Variants in CD44 observed in about 807,000 individuals in gnomAD.
CD44 encodes the protein CD44 antigen.
In CD44, 49 loss-of-function variants were observed where a neutral mutation model predicts 88.8. That is an observed-to-expected ratio of 0.55 (90% CI 0.44 to 0.70). CD44 has a LOEUF of 0.70. CD44 is among the 30% of genes least tolerant of loss of function. The pLI, the probability that CD44 is intolerant of heterozygous loss-of-function variation, is 0.00. For synonymous variants in CD44, 325 were observed against 312.3 expected (o/e 1.04, Z -0.43); for missense variants, 883 against 913.8 (o/e 0.97, Z 0.43).
chr11:35,221,113 C>T (rs2065004), intron 16 of CD44, among the ~76,000 whole-genome samples: 105,437 of 152,060 alleles, frequency 0.69, 36,978 homozygotes, highest in East Asian at 0.99. Context: ...ACACCTTACA[C>T]GGTGTTTAGC....
chr11:35,167,099 A>G (rs535765117), intron 1 of CD44, among the ~76,000 whole-genome samples: 1 of 152,344 alleles, frequency 6.6e-6, no homozygotes, highest in South Asian at 2.1e-4. Context: ...GCCTTCGAAC[A>G]AATGAAGAAG....
intron 4 of CD44, among the ~76,000 whole-genome samples, chr11:35,187,177 G>A (rs147337919): frequency 0.015 from 2,303 of 152,220 alleles, 19 homozygotes; most frequent in Middle Eastern, 0.02. Flanking sequence ...AGGAGGCTGA[G>A]GCAGGAGAAT....
In CD44 at chr11:35,163,895, C is replaced by T. The variant is rs574061770; in HGVS notation, c.68-12680C>T. On this transcript the variant is annotated intron_variant, in intron 1 of 17. Coordinates refer to ENST00000428726, the MANE Select transcript of CD44 (RefSeq NM_000610.4). ...AAAGAAGAGATTTGTCTGCCTCACCCCCTGCTGGTGCAAACTTGCACCTCT... is the reference window on the plus strand; with the variant it reads ...AAAGAAGAGATTTGTCTGCCTCACCTCCTGCTGGTGCAAACTTGCACCTCT... Among the ~76,000 whole-genome samples, 87 of 152,218 alleles carry T rather than the reference C, an allele frequency of 5.7e-4. 1 individual carries two copies. The highest frequency in any genetic ancestry group is 9.7e-4 in the Non-Finnish European group (66 of 68,010).
At chr11:35,172,955 T>C (rs905879394) in intron 1 of CD44, among the ~76,000 whole-genome samples, 9 of 152,228 alleles carry the variant, frequency 5.9e-5, no homozygotes, top group Non-Finnish European at 4.4e-5. Context: ...TGGATGCATG[T>C]ATTGTCAGTG....
At chr11:35,161,703 T>C (rs894199678) in intron 1 of CD44, among the ~76,000 whole-genome samples, 4 of 152,214 alleles carry the variant, frequency 2.6e-5, no homozygotes, top group African/African-American at 9.6e-5. Context: ...AGCCAGGTCA[T>C]TCAGTTGTTG....
At chr11:35,174,891 C>T (rs531653040) in intron 1 of CD44, among the ~76,000 whole-genome samples, 80 of 152,308 alleles carry the variant, frequency 5.3e-4, no homozygotes, top group South Asian at 4.1e-4. Context: ...GTAAAAGGCC[C>T]TTGCTTTCTC....
intron 1 of CD44, among the ~76,000 whole-genome samples, chr11:35,148,720 G>T (rs886264593): frequency 3.9e-5 from 6 of 152,196 alleles, no homozygotes; most frequent in Non-Finnish European, 7.3e-5. Context: ...TGATAGCCCT[G>T]AGCGGTCAGC....
At chr11:35,207,307 A>T (rs2134132359) in intron 11 of CD44, among the ~76,000 whole-genome samples, 2 of 152,352 alleles carry the variant, frequency 1.3e-5, no homozygotes, top group Admixed American at 1.3e-4. Context: ...GGGACTGATT[A>T]AATCTCCCCC....
At chr11:35,144,563 C>T (rs923463368) in intron 1 of CD44, among the ~76,000 whole-genome samples, 1 of 151,950 alleles carries the variant, frequency 6.6e-6, no homozygotes, top group African/African-American at 2.4e-5. Context: ...TTAAGTGTAC[C>T]CCCCACAGCT....
intron 1 of CD44, among the ~76,000 whole-genome samples, chr11:35,172,239 C>G (rs1943988980): frequency 6.6e-6 from 1 of 152,170 alleles, no homozygotes; most frequent in African/African-American, 2.4e-5. Flanking sequence ...GCTTTGTCTT[C>G]AGGATCACAC....
At chr11:35,190,330 G>C in intron 5 of CD44, 1 of 527,580 alleles carries the variant, frequency 1.9e-6, no homozygotes, top group Non-Finnish European at 3.4e-6. Flanking sequence ...TTTGGGGAGA[G>C]CCCTCCTTAT....
chr11:35,231,838 G>C lies in CD44; in HGVS notation c.*2505G>C, dbSNP rs1368013662. On this transcript the variant is annotated 3_prime_UTR_variant, in exon 18 of 18. Transcript: ENST00000428726. ...TTTGCAAAGCAACCTAAGAGCTAAA[G>C]ATGTAATTTTTCTTGCAATTGTAAA... The C allele has an allele frequency of 3.9e-5, 6 of 152,148 alleles. No individual in the cohort carries two copies. Among genetic ancestry groups the C allele is most frequent in the Admixed American group, 3.9e-4 (6 of 15,270 alleles). The allele number at this position is 152,148 out of a possible 1,614,324, so 9.4% of individuals were successfully genotyped here.
chr11:35,180,279 G>A lies in CD44; in HGVS notation c.239G>A (p.Gly80Glu). 1 of 1,614,042 alleles carries A rather than the reference G, an allele frequency of 6.2e-7. No homozygotes were observed. Among genetic ancestry groups the A allele is most frequent in the South Asian group, 1.1e-5 (1 of 91,076 alleles). The change falls in exon 3 of 18, where the codon GGG (glycine) becomes GAG (glutamate). Residue 80 changes from glycine to glutamate, a missense_variant. Gly to Glu is a moderately conservative substitution (Grantham distance 98, BLOSUM62 -2). Transcript: ENST00000428726. Reference protein sequence around the residue: ...LSIGFETCRYGFIEGHVVIPR... With the variant: ...LSIGFETCRYEFIEGHVVIPR... ...CTGTTGTTTTTCTCTTACAGGTATG[G>A]GTTCATAGAAGGGCACGTGGTGATT...
At chr11:35,196,975 T>C in intron 6 of CD44, 101 bp downstream of exon 6, 2 of 1,279,974 alleles carry the variant, frequency 1.6e-6, no homozygotes, top group Non-Finnish European at 1.1e-6. Context: ...TTCCTTCTAT[T>C]CTCACAAATT....
chr11:35,220,550 A>G (rs779376758), intron 16 of CD44, among the ~76,000 whole-genome samples: 12 of 152,184 alleles, frequency 7.9e-5, no homozygotes, highest in Non-Finnish European at 1.5e-4. Flanking sequence ...CACATATACA[A>G]CCCACTTTGC....
intron 3 of CD44, among the ~76,000 whole-genome samples, chr11:35,182,142 G>T (rs993088695): frequency 1.4e-5 from 2 of 147,400 alleles, no homozygotes; most frequent in African/African-American, 5.0e-5. Context: ...AAGCTGCATG[G>T]ATTTTTAAAC....
intron 13 of CD44, among the ~76,000 whole-genome samples, chr11:35,211,009 CA>C (rs1948340064): frequency 6.6e-6 from 1 of 152,188 alleles, no homozygotes; most frequent in Non-Finnish European, 1.5e-5. Context: ...GATGTTGCAA[CA>C]AATGCCAATT....
chr11:35,187,983 G>T (rs949261105), intron 4 of CD44, among the ~76,000 whole-genome samples: 1 of 152,164 alleles, frequency 6.6e-6, no homozygotes, highest in Non-Finnish European at 1.5e-5. Flanking sequence ...AGGATTACAG[G>T]CATGAGCCAC....
At chr11:35,193,062 G>A (rs1243198834) in intron 5 of CD44, among the ~76,000 whole-genome samples, 3 of 151,948 alleles carry the variant, frequency 2.0e-5, no homozygotes, top group Non-Finnish European at 2.9e-5. Flanking sequence ...GGATTTTCCC[G>A]GGGATGCTCA....
Sources: allele counts gnomAD v4.1 joint callset (sites outside exome capture counted in the v4.1 genomes callset), GRCh38; gene constraint gnomAD v4.1.1; transcripts MANE v1.5; gene names NCBI Gene and HGNC (gene_info 2026-07-23, HGNC 2026-07-21).